Variants in NRXN1 observed in about 807,000 individuals in gnomAD.
The protein encoded by NRXN1 is neurexin 1, also known as neurexin-1.
A neutral mutation model predicts 150.9 loss-of-function variants in NRXN1; 39 were observed. The observed-to-expected ratio is 0.26, with a 90% CI of 0.20 to 0.34. The LOEUF (loss-of-function observed/expected upper bound fraction) is 0.34. Among genes scored for constraint, NRXN1 ranks in the 10% least tolerant of loss-of-function variants. The pLI is 1.00. For synonymous variants in NRXN1, 924 were observed against 757.0 expected (o/e 1.22, Z -3.62); for missense variants, 1,815 against 1,949.9 (o/e 0.93, Z 1.30).
chr2:50,448,901 G>T (rs1472643071), intron 17 of NRXN1, among the ~76,000 whole-genome samples: 1 of 152,076 alleles, frequency 6.6e-6, no homozygotes, highest in African/African-American at 2.4e-5. Context: ...ATAAAAGAAA[G>T]AACTATGTTA....
intron 5 of NRXN1, among the ~76,000 whole-genome samples, chr2:50,823,333 T>G (rs1455091061): frequency 6.6e-6 from 1 of 152,182 alleles, no homozygotes; most frequent in African/African-American, 2.4e-5. Flanking sequence ...GACCTGGGGT[T>G]GCTGAAGATT....
At chr2:50,806,242 A>G (rs1191306588) in intron 5 of NRXN1, among the ~76,000 whole-genome samples, 1 of 152,168 alleles carries the variant, frequency 6.6e-6, no homozygotes, top group Middle Eastern at 3.2e-3. Context: ...TTGGAGGAAA[A>G]CATTCACTGT....
intron 2 of NRXN1, among the ~76,000 whole-genome samples, chr2:50,978,552 T>C (rs746856588): frequency 6.6e-6 from 1 of 151,738 alleles, no homozygotes; most frequent in Non-Finnish European, 1.5e-5. Context: ...AACAAAATGT[T>C]GGAATAAATA....
intron 18 of NRXN1, among the ~76,000 whole-genome samples, chr2:50,188,024 C>A (rs1453900599): frequency 6.6e-6 from 1 of 152,052 alleles, no homozygotes; most frequent in Non-Finnish European, 1.5e-5. Context: ...CATCTGCAAA[C>A]AGAGAAAATT....
intron 22 of NRXN1, among the ~76,000 whole-genome samples, chr2:49,929,288 CAAAT>C (rs1442268251): frequency 6.6e-6 from 1 of 152,158 alleles, no homozygotes; most frequent in African/African-American, 2.4e-5. Context: ...ACACTGAAGA[CAAAT>C]AAACAGAGGA....
At chr2:50,395,927 C>A (rs1295071062) in intron 17 of NRXN1, among the ~76,000 whole-genome samples, 1 of 152,124 alleles carries the variant, frequency 6.6e-6, no homozygotes, top group Middle Eastern at 3.2e-3. Flanking sequence ...CTCAGTTCAT[C>A]CAAATATGTA....
At chr2:50,359,444 G>A (rs920674547) in intron 17 of NRXN1, among the ~76,000 whole-genome samples, 4 of 151,426 alleles carry the variant, frequency 2.6e-5, no homozygotes, top group African/African-American at 9.7e-5. Flanking sequence ...CACAGAGCAC[G>A]AGAACTTCGT....
chr2:50,899,919 G>A (rs986590964), intron 5 of NRXN1, among the ~76,000 whole-genome samples: 3 of 152,120 alleles, frequency 2.0e-5, no homozygotes, highest in African/African-American at 7.2e-5. Context: ...TTTATTAGAC[G>A]TCATGGGAGA....
At chr2:50,794,437 T>C (rs974289423) in intron 5 of NRXN1, among the ~76,000 whole-genome samples, 1 of 152,124 alleles carries the variant, frequency 6.6e-6, no homozygotes, top group African/African-American at 2.4e-5. Context: ...GAATTCTAAA[T>C]ATCTCCCACT....
At chr2:50,802,257 C>T (rs774679638) in intron 5 of NRXN1, among the ~76,000 whole-genome samples, 8 of 151,982 alleles carry the variant, frequency 5.3e-5, no homozygotes, top group South Asian at 2.1e-4. Context: ...TTTGGGAGGC[C>T]GAGGCAGGGG....
At chr2:50,116,589 G>C (rs940899212) in intron 18 of NRXN1, among the ~76,000 whole-genome samples, 5 of 152,024 alleles carry the variant, frequency 3.3e-5, no homozygotes, top group African/African-American at 1.2e-4. Flanking sequence ...CTTTGCATAT[G>C]TATAACAGGA....
rs148066042 is a variant in NRXN1 at position 50,665,477 on chromosome 2, T to C, written c.833-41862A>G. Among the ~76,000 whole-genome samples, 14 of 151,996 alleles carry C rather than the reference T, an allele frequency of 9.2e-5. No homozygotes were observed. In the East Asian group the frequency reaches 2.7e-3, roughly 30 times the overall value. On this transcript the variant is annotated intron_variant, in intron 5 of 22. Transcript: ENST00000401669. The stretch of plus-strand genomic sequence containing the variant: ...CCTACTAGATAAATAATCTGCCGAA[T>C]CAAATAACTGATCTATTGGCAATCC...
At chr2:50,239,995 A>G (rs1331018285) in intron 17 of NRXN1, among the ~76,000 whole-genome samples, 1 of 151,422 alleles carries the variant, frequency 6.6e-6, no homozygotes, top group Non-Finnish European at 1.5e-5. Flanking sequence ...GAAAGTTTCT[A>G]GCACAATTAT....
At chr2:50,045,083 C>G (rs978924757) in intron 21 of NRXN1, among the ~76,000 whole-genome samples, 2 of 152,066 alleles carry the variant, frequency 1.3e-5, no homozygotes, top group African/African-American at 4.8e-5. Flanking sequence ...GAGAAATTAC[C>G]TGAGCCTTCT....
At chr2:50,957,069 T>C (rs1342800138) in intron 2 of NRXN1, among the ~76,000 whole-genome samples, 2 of 152,220 alleles carry the variant, frequency 1.3e-5, no homozygotes, top group East Asian at 3.9e-4. Flanking sequence ...AAATGTTCTC[T>C]ATGCTTGGAA....
At chr2:50,138,042 A>T (rs1397171937) in intron 18 of NRXN1, among the ~76,000 whole-genome samples, 1 of 152,236 alleles carries the variant, frequency 6.6e-6, no homozygotes, top group Non-Finnish European at 1.5e-5. Flanking sequence ...TGTCATAAAA[A>T]AATTTATGCA....
intron 17 of NRXN1, among the ~76,000 whole-genome samples, chr2:50,275,949 T>C (rs546186951): frequency 9.0e-5 from 13 of 145,052 alleles, no homozygotes; most frequent in African/African-American, 3.3e-4. Context: ...CTGTTTTTGA[T>C]GATAATAATT....
chr2:50,751,476 A>G (rs1387029396), intron 5 of NRXN1, among the ~76,000 whole-genome samples: 1 of 152,004 alleles, frequency 6.6e-6, no homozygotes, highest in East Asian at 1.9e-4. Context: ...TGTGGAAGGT[A>G]TAACTGCTTT....
At chr2:50,950,418 C>T (rs1691123153) in intron 2 of NRXN1, among the ~76,000 whole-genome samples, 1 of 152,134 alleles carries the variant, frequency 6.6e-6, no homozygotes, top group African/African-American at 2.4e-5. Flanking sequence ...CACATTAACT[C>T]AGTTAAGTGT....
Sources: allele counts gnomAD v4.1 joint callset (sites outside exome capture counted in the v4.1 genomes callset), GRCh38; gene constraint gnomAD v4.1.1; transcripts MANE v1.5; gene names NCBI Gene and HGNC (gene_info 2026-07-23, HGNC 2026-07-21).